ARID2: variants seen among roughly 807,000 people sequenced by gnomAD.
ARID2 encodes the protein AT-rich interaction domain 2.
In ARID2, 32 loss-of-function variants were observed where a neutral mutation model predicts 184.6. That is an observed-to-expected ratio of 0.17 (90% confidence interval 0.13 to 0.23). The LOEUF is 0.23. ARID2 is among the 10% of genes least tolerant of loss of function. The pLI, the probability that ARID2 is intolerant of heterozygous loss-of-function variation, is 1.00. For synonymous variants in ARID2, 836 were observed against 772.6 expected, an observed-to-expected ratio of 1.08 and a Z score of -1.36; for missense variants, 1,696 against 2,197.6, an observed-to-expected ratio of 0.77 and a Z score of 4.56.
At position 45,852,515 on chromosome 12, in the gene ARID2, C is replaced by A. The variant is rs2138179358; in HGVS notation, c.4392C>A (p.Arg1464=). The A allele has an allele frequency of 6.2e-7, 1 of 1,614,144 alleles. No individual in the cohort carries two copies. The highest frequency in any genetic ancestry group is 8.5e-7 in the Non-Finnish European group (1 of 1,180,002). ...TGAATTCAGATGTGCCTCAGCAACG[C>A]CCAAGTGTAGTTGTCTCACCACATT... The part of the protein sequence containing the change: ...SSLNSDVPQQ[R]PSVVVSPHST... Residue 1464 remains arginine (R), a synonymous_variant, in exon 15 of 21, where the codon CGC becomes CGA. Coordinates refer to ENST00000334344, the MANE Select transcript of ARID2 (RefSeq NM_152641.4).
At chr12:45,837,212 T>G in intron 8 of ARID2, 109 bp from the exon 9 acceptor site, 1 of 1,182,158 alleles carries the variant, frequency 8.5e-7, no homozygotes, top group Admixed American at 2.6e-5. Context: ...ACAATAACAT[T>G]TTTTAACGTT....
rs144513026 is a variant in ARID2, at chr12:45,778,380, G to A, written c.285-33038G>A. The stretch of plus-strand genomic sequence containing the variant: ...GTATCTAACCTCATCATAACTCTGG[G>A]TAGAGGCCAGGAATATATACATTTC... On this transcript the variant is annotated intron_variant, in intron 3 of 20. Coordinates refer to ENST00000334344, the MANE Select transcript of ARID2 (RefSeq NM_152641.4). Among the ~76,000 whole-genome samples, 1,178 of 152,190 alleles carry A rather than the reference G, an allele frequency of 7.7e-3. 19 individuals carry two copies. Among genetic ancestry groups the A allele is most frequent in the South Asian group, 0.068 (326 of 4,820 alleles).
At chr12:45,873,077 T>A (rs1290671972) in intron 16 of ARID2, among the ~76,000 whole-genome samples, 1 of 152,236 alleles carries the variant, frequency 6.6e-6, no homozygotes, top group African/African-American at 2.4e-5. Flanking sequence ...TCTTAAGGAT[T>A]GCTATATCTT....
chr12:45,902,795 A>G (rs1161882117), intron 20 of ARID2, among the ~76,000 whole-genome samples: 1 of 152,102 alleles, frequency 6.6e-6, no homozygotes, highest in African/African-American at 2.4e-5. Flanking sequence ...CGCCTGCCTC[A>G]GCCTCCCAAA....
intron 3 of ARID2, among the ~76,000 whole-genome samples, chr12:45,793,574 A>T (rs1253376492): frequency 1.3e-5 from 2 of 151,118 alleles, no homozygotes; most frequent in Non-Finnish European, 3.0e-5. Context: ...TATATGTATT[A>T]TATATATATG....
intron 3 of ARID2, among the ~76,000 whole-genome samples, chr12:45,754,207 TA>T (rs202181048): frequency 7.2e-5 from 11 of 152,092 alleles, no homozygotes; most frequent in Non-Finnish European, 1.5e-4. Flanking sequence ...AAAAAAATAA[TA>T]AAAAAAGAGG....
intron 12 of ARID2, 109 bp from the exon 13 acceptor site, chr12:45,848,727 T>C (rs760102974): frequency 1.8e-5 from 16 of 871,850 alleles, no homozygotes; most frequent in Non-Finnish European, 2.6e-5. Context: ...ATTTGATTAG[T>C]AGGTATAATT....
intron 15 of ARID2, among the ~76,000 whole-genome samples, chr12:45,856,782 T>C (rs951957020): frequency 5.3e-5 from 8 of 152,314 alleles, no homozygotes; most frequent in African/African-American, 1.7e-4. Context: ...GATATACCCA[T>C]TGATTTTTAT....
At chr12:45,852,983 T>G in intron 15 of ARID2, 87 bp downstream of exon 15, 1 of 1,430,736 alleles carries the variant, frequency 7.0e-7, no homozygotes, top group South Asian at 1.5e-5. Flanking sequence ...TTTCCATGTC[T>G]CATCTTGAAA....
At chr12:45,832,692 G>T (rs972030916) in intron 6 of ARID2, among the ~76,000 whole-genome samples, 2 of 151,944 alleles carry the variant, frequency 1.3e-5, no homozygotes, top group African/African-American at 4.8e-5. Flanking sequence ...TGAATCCATG[G>T]GTTCTGCATC....
chr12:45,882,989 G>T (rs896133203), intron 16 of ARID2, among the ~76,000 whole-genome samples: 10 of 152,116 alleles, frequency 6.6e-5, no homozygotes, highest in Admixed American at 5.9e-4. Context: ...TCAATTGTCA[G>T]GATAACAAGT....
At chr12:45,865,149 T>G (rs1014581223) in intron 16 of ARID2, among the ~76,000 whole-genome samples, 1 of 152,184 alleles carries the variant, frequency 6.6e-6, no homozygotes, top group Non-Finnish European at 1.5e-5. Context: ...GTTTTCCTGC[T>G]CTCTGATAGG....
chr12:45,829,613 T>C (rs199869553), intron 6 of ARID2, among the ~76,000 whole-genome samples: 3 of 151,870 alleles, frequency 2.0e-5, no homozygotes, highest in East Asian at 3.8e-4. Flanking sequence ...ATTTATAGAT[T>C]GTAGATTATA....
intron 20 of ARID2, among the ~76,000 whole-genome samples, chr12:45,899,474 C>T (rs559946587): frequency 2.7e-4 from 40 of 149,242 alleles, no homozygotes; most frequent in African/African-American, 3.9e-4. Flanking sequence ...GGCGTGGTGG[C>T]GGGCGCCTGT....
At chr12:45,737,888 A>G (rs1462044307) in intron 3 of ARID2, among the ~76,000 whole-genome samples, 2 of 152,104 alleles carry the variant, frequency 1.3e-5, no homozygotes, top group African/African-American at 4.8e-5. Flanking sequence ...GCTTGGACAC[A>G]CTTATACTTT....
chr12:45,852,415 T>C lies in ARID2; in HGVS notation c.4292T>C (p.Ile1431Thr), dbSNP rs140811361. 1.2e-6 allele frequency: 2 copies of C among 1,614,154 alleles called. No homozygotes were observed. Among genetic ancestry groups the C allele is most frequent in the East Asian group, 2.2e-5 (1 of 44,882 alleles). Residue 1431 changes from isoleucine (I) to threonine (T), a missense_variant, in exon 15 of 21, where the codon ATA (isoleucine) becomes ACA (threonine). Transcript: ENST00000334344. ...TTGGGTGGTTCATCTGTGAGCAGTA[T>C]ACAGGAGGCTTCAAATGCGGCAACA... Reference protein sequence around the residue: ...LTLGGSSVSSIQEASNAATQQ... With the variant: ...LTLGGSSVSSTQEASNAATQQ...
intron 20 of ARID2, among the ~76,000 whole-genome samples, chr12:45,896,552 T>C (rs572855330): frequency 1.3e-5 from 2 of 152,208 alleles, no homozygotes; most frequent in Non-Finnish European, 2.9e-5. Context: ...TGCCACCATG[T>C]GAGACGTACT....
chr12:45,886,151 A>G (rs1379176705), intron 16 of ARID2, among the ~76,000 whole-genome samples: 1 of 150,116 alleles, frequency 6.7e-6, no homozygotes, highest in East Asian at 1.9e-4. Context: ...ATACAGTGGG[A>G]TAGAGGCATT....
intron 15 of ARID2, among the ~76,000 whole-genome samples, chr12:45,853,917 A>G (rs1351455027): frequency 2.6e-5 from 4 of 152,258 alleles, no homozygotes; most frequent in Admixed American, 2.0e-4. Context: ...GACAGGTACC[A>G]GTCCGTGGCC....
Sources: allele counts gnomAD v4.1 joint callset (sites outside exome capture counted in the v4.1 genomes callset), GRCh38; gene constraint gnomAD v4.1.1; transcripts MANE v1.5; gene names NCBI Gene and HGNC (gene_info 2026-07-23, HGNC 2026-07-21).